NCAPH: variants seen among roughly 807,000 people sequenced by gnomAD.
NCAPH encodes condensin complex subunit 2.
Under a neutral mutation model 85.5 loss-of-function variants are expected in NCAPH, and 38 were observed. The ratio of observed to expected loss-of-function variants is 0.44; its 90% CI spans 0.34 to 0.58. The LOEUF is 0.58. Ranked by LOEUF, NCAPH falls within the 20% of genes least tolerant of loss-of-function variation. The pLI, the probability that NCAPH is intolerant of heterozygous loss-of-function variation, is 0.01. For missense variants in NCAPH, 789 were observed against 916.6 expected (o/e 0.86, Z 1.80); for synonymous variants, 301 against 335.1 (o/e 0.90, Z 1.11).
chr2:96,362,088 T>G (rs2064631753), intron 12 of NCAPH, among the ~76,000 whole-genome samples: 1 of 151,956 alleles, frequency 6.6e-6, no homozygotes, highest in African/African-American at 2.4e-5. Context: ...TTTTTCTTTC[T>G]GATCAATATT....
intron 6 of NCAPH, among the ~76,000 whole-genome samples, chr2:96,350,698 G>A (rs1395554575): frequency 1.3e-5 from 2 of 152,128 alleles, no homozygotes; most frequent in African/African-American, 2.4e-5. Context: ...TTTATGGTAC[G>A]GCAGGAGCTG....
chr2:96,339,389 G>A (rs7584606), intron 1 of NCAPH, among the ~76,000 whole-genome samples: 6 of 151,784 alleles, frequency 4.0e-5, no homozygotes, highest in Admixed American at 2.0e-4. Flanking sequence ...TCAGGAGTTC[G>A]AGACCAGCCT....
rs1465066454 is a variant in NCAPH, at chr2:96,373,360, T to C, written c.*9T>C. 3.1e-6 allele frequency: 5 copies of C among 1,613,058 alleles called. No homozygotes were observed. The highest frequency in any genetic ancestry group is 8.5e-7 in the Non-Finnish European group (1 of 1,179,290). Reference sequence around the variant, plus strand: ...TGAGGCAAGGAGATTGAGTTCACTATGGAGAAGTCAGCAGCAGGAGGCCCA... The same window carrying C: ...TGAGGCAAGGAGATTGAGTTCACTACGGAGAAGTCAGCAGCAGGAGGCCCA... On this transcript the variant is annotated 3_prime_UTR_variant, in exon 18 of 18. Coordinates refer to ENST00000240423, the MANE Select transcript of NCAPH (RefSeq NM_015341.5).
Position 96,369,082 on chromosome 2 carries a change from G to C in NCAPH, c.2090+19G>C, listed in dbSNP as rs557137023. Reference sequence around the variant, plus strand: ...AGAGGAGGTGCGGGCTGGCAGGCATGGGGGCTTTGTTGGGGCTCACCTCTC... The same window carrying C: ...AGAGGAGGTGCGGGCTGGCAGGCATCGGGGCTTTGTTGGGGCTCACCTCTC... On this transcript the variant is annotated intron_variant, in intron 16 of 17. Coordinates refer to ENST00000240423, the MANE Select transcript of NCAPH (RefSeq NM_015341.5). 6.4e-7 allele frequency: 1 copy of C among 1,551,930 alleles called. No individual in the cohort carries two copies. Among genetic ancestry groups the C allele is most frequent in the African/African-American group, 1.4e-5 (1 of 73,236 alleles).
Position 96,341,836 on chromosome 2 carries a change from G to A in NCAPH, c.214G>A (p.Val72Ile). Residue 72 changes from valine (V) to isoleucine (I), a missense_variant, in exon 2 of 18, where the codon GTC (valine) becomes ATC (isoleucine). By Grantham distance (29) the Val-to-Ile change is conservative. Transcript: ENST00000240423. ...KERLQRRRSR[V>I]FDLQFSTDSP... The stretch of plus-strand genomic sequence containing the variant: ...GCGGCTGCAGCGGAGGCGCTCGAGG[G>A]TCTTTGATCTGCAGTTCAGCACTGA... 1.2e-6 allele frequency: 2 copies of A among 1,613,498 alleles called. No individual in the cohort carries two copies. Among genetic ancestry groups the A allele is most frequent in the Non-Finnish European group, 1.7e-6 (2 of 1,180,026 alleles).
At chr2:96,335,884 C>G in intron 1 of NCAPH, 36 bp downstream of exon 1, 1 of 1,441,418 alleles carries the variant, frequency 6.9e-7, no homozygotes, top group East Asian at 3.0e-5. Flanking sequence ...GCGGGAAGGG[C>G]CCCTAGCGAA....
rs1254314306 is a variant in NCAPH, at chr2:96,369,542, T to G, written c.2166+42T>G. On this transcript the variant is annotated intron_variant, in intron 17 of 17. Coordinates refer to ENST00000240423, the MANE Select transcript of NCAPH (RefSeq NM_015341.5). ...AGCATGGGAGTATTAGAGTATTCCCTGTTTATGTCAACTCATTTAGCTTTG... is the reference window on the plus strand; with the variant it reads ...AGCATGGGAGTATTAGAGTATTCCCGGTTTATGTCAACTCATTTAGCTTTG... 4 of 1,543,386 alleles carry G rather than the reference T, an allele frequency of 2.6e-6. No homozygotes were observed. In the South Asian group the frequency reaches 4.5e-5, roughly 17 times the overall value.
At chr2:96,343,844 G>C (rs2064328773) in intron 5 of NCAPH, among the ~76,000 whole-genome samples, 1 of 152,102 alleles carries the variant, frequency 6.6e-6, no homozygotes, top group Non-Finnish European at 1.5e-5. Flanking sequence ...GGGACTACAG[G>C]TGTGCATCTC....
intron 1 of NCAPH, 24 bp downstream of exon 1, chr2:96,335,872 C>G: frequency 6.8e-7 from 1 of 1,460,952 alleles, no homozygotes; most frequent in Non-Finnish European, 9.0e-7. Context: ...TCGGGAGGCG[C>G]GGCGGGAAGG....
At chr2:96,347,109 G>C (rs1275101539) in intron 6 of NCAPH, among the ~76,000 whole-genome samples, 1 of 152,082 alleles carries the variant, frequency 6.6e-6, no homozygotes, top group Non-Finnish European at 1.5e-5. Context: ...CTCAGAGCTG[G>C]GGCATTAGAA....
rs1212620980 is a variant in NCAPH at position 96,375,897 on chromosome 2, G to A, written c.*2546G>A. Among the ~76,000 whole-genome samples, 3 of 152,038 alleles carry A rather than the reference G, an allele frequency of 2.0e-5. No individual in the cohort carries two copies. Among genetic ancestry groups the A allele is most frequent in the African/African-American group, 4.8e-5 (2 of 41,380 alleles). ...CTGTTAAATCAGTTTCCTGGGGGTC[G>A]ATATGAATATTTGCCACCTCAGGGT... On this transcript the variant is annotated 3_prime_UTR_variant, in exon 18 of 18. Transcript: ENST00000240423.
intron 17 of NCAPH, among the ~76,000 whole-genome samples, chr2:96,371,119 C>T (rs2064767246): frequency 6.6e-6 from 1 of 152,178 alleles, no homozygotes; most frequent in South Asian, 2.1e-4. Context: ...AAGAAATCTA[C>T]AAGTGGCTCT....
intron 8 of NCAPH, among the ~76,000 whole-genome samples, chr2:96,353,834 G>A (rs2064483122): frequency 6.6e-6 from 1 of 151,526 alleles, no homozygotes; most frequent in Non-Finnish European, 1.5e-5. Context: ...TGTATTTTTA[G>A]CATGGCCCCC....
At chr2:96,345,354 C>G (rs1173927230) in intron 6 of NCAPH, among the ~76,000 whole-genome samples, 5 of 152,110 alleles carry the variant, frequency 3.3e-5, no homozygotes, top group Non-Finnish European at 7.4e-5. Flanking sequence ...GTGCCCAGGA[C>G]CCAGACCCTG....
Position 96,360,134 on chromosome 2 carries a change from A to C in NCAPH, c.1358-9A>C. On this transcript the variant is annotated splice_polypyrimidine_tract_variant and intron_variant, in intron 10 of 17. Coordinates refer to ENST00000240423, the MANE Select transcript of NCAPH (RefSeq NM_015341.5). ...AAGTGAAGTGCTGACGTCTGTGTTC[A>C]CTCTGCAGAAGATGCTCCTTCCCAA... is the stretch of plus-strand genomic sequence containing the variant. The C allele has an allele frequency of 6.7e-7, 1 of 1,482,378 alleles. No individual in the cohort carries two copies. Among genetic ancestry groups the C allele is most frequent in the Non-Finnish European group, 9.4e-7 (1 of 1,064,808 alleles). 91.8% of individuals were successfully genotyped at this position (1,482,378 alleles called of 1,614,324 possible).
rs201062777 is a variant in NCAPH at position 96,365,868 on chromosome 2, T to C, written c.1699-8T>C. ...TCCACCAAACTCGAAGAGCTGTTTCTTGCCCAGGCTGCTGACAGTGATGAT... is the reference window on the plus strand; with the variant it reads ...TCCACCAAACTCGAAGAGCTGTTTCCTGCCCAGGCTGCTGACAGTGATGAT... On this transcript the variant is annotated splice_polypyrimidine_tract_variant and splice_region_variant and intron_variant, in intron 13 of 17. Coordinates refer to ENST00000240423, the MANE Select transcript of NCAPH (RefSeq NM_015341.5). 2.8e-5 allele frequency: 46 copies of C among 1,614,182 alleles called. No homozygotes were observed. The Admixed American group carries it at 5.3e-4, about 19-fold the overall frequency.
intron 1 of NCAPH, among the ~76,000 whole-genome samples, chr2:96,341,074 T>G (rs2064288336): frequency 6.6e-6 from 1 of 152,214 alleles, no homozygotes; most frequent in Non-Finnish European, 1.5e-5. Context: ...ATTTGACTGG[T>G]TAATGTGGTG....
intron 6 of NCAPH, among the ~76,000 whole-genome samples, chr2:96,346,678 A>G (rs892761513): frequency 1.3e-5 from 2 of 152,114 alleles, no homozygotes; most frequent in Non-Finnish European, 2.9e-5. Flanking sequence ...GTTGGGGACA[A>G]GAAGGGGTGA....
At position 96,376,721 on chromosome 2, in the gene NCAPH, A is replaced by G. The variant is rs2064835502; in HGVS notation, c.*3370A>G. ...GAACCGTTCATGGTGGCTGAAGCCA[A>G]GCTGCTCAGCACTGAGGCAGCAAGC... On this transcript the variant is annotated 3_prime_UTR_variant, in exon 18 of 18. Transcript: ENST00000240423. Among the ~76,000 whole-genome samples the G allele has an allele frequency of 6.6e-6, 1 of 152,216 alleles. No homozygotes were observed. Among genetic ancestry groups the G allele is most frequent in the South Asian group, 2.1e-4 (1 of 4,834 alleles).
Sources: allele counts gnomAD v4.1 joint callset (sites outside exome capture counted in the v4.1 genomes callset), GRCh38; gene constraint gnomAD v4.1.1; transcripts MANE v1.5; gene names NCBI Gene and HGNC (gene_info 2026-07-23, HGNC 2026-07-21).